PTBP3: variants seen among roughly 807,000 people sequenced by gnomAD.
PTBP3 encodes the protein polypyrimidine tract binding protein 3.
A neutral mutation model predicts 58.7 loss-of-function variants in PTBP3; 20 were observed. That is an observed-to-expected ratio of 0.34 (90% CI 0.24 to 0.50). The LOEUF is 0.50. Among genes scored for constraint, PTBP3 ranks in the 20% least tolerant of loss-of-function variants. PTBP3 has a pLI of 0.98. For missense variants in PTBP3, 509 were observed against 637.2 expected, an observed-to-expected ratio of 0.80 and a Z score of 2.17; for synonymous variants, 185 against 219.8, an observed-to-expected ratio of 0.84 and a Z score of 1.40.
rs1193868955 is a variant in PTBP3, at chr9:112,274,917, A to G, written c.204+927T>C. On this transcript the variant is annotated intron_variant, in intron 3 of 13. Transcript: ENST00000374257. Reference sequence around the variant, plus strand: ...CCCTACTGCTTTGACACTTACTAGAAAAGTAAAATGCAATAACCCAATGTT... The same window carrying G: ...CCCTACTGCTTTGACACTTACTAGAGAAGTAAAATGCAATAACCCAATGTT... 2.0e-5 allele frequency among the ~76,000 whole-genome samples: 3 copies of G among 152,200 alleles called. 1 individual carries two copies. The highest frequency in any genetic ancestry group is 1.3e-4 in the Admixed American group (2 of 15,272).
At chr9:112,355,546 C>T in the PTBP3 span, among the ~76,000 whole-genome samples, 3 of 151,566 alleles carry the variant, frequency 2.0e-5, no homozygotes, top group South Asian at 6.2e-4. Flanking sequence ...AAAGACCCGT[C>T]TTCTTTTGTT....
chr9:112,249,611 G>GT (rs1836023820), intron 7 of PTBP3, among the ~76,000 whole-genome samples: 1 of 152,022 alleles, frequency 6.6e-6, no homozygotes, highest in African/African-American at 2.4e-5. Context: ...TTATTTTGCA[G>GT]TGACTAAGGA....
intron 2 of PTBP3, among the ~76,000 whole-genome samples, chr9:112,284,348 A>T (rs887604665): frequency 6.6e-6 from 1 of 152,198 alleles, no homozygotes; most frequent in Non-Finnish European, 1.5e-5. Flanking sequence ...TCTTTGCAAA[A>T]GCATGCCCTA....
intron 1 of PTBP3, among the ~76,000 whole-genome samples, chr9:112,307,652 G>C (rs1287419798): frequency 1.3e-5 from 2 of 152,126 alleles, no homozygotes; most frequent in East Asian, 3.8e-4. Context: ...TTGAAAATTA[G>C]TCATAAAAAA....
the PTBP3 span, among the ~76,000 whole-genome samples, chr9:112,349,866 A>AAAAAAAG: frequency 7.5e-6 from 1 of 132,632 alleles, no homozygotes; most frequent in Non-Finnish European, 1.5e-5. Context: ...TCTGTCTCAA[A>AAAAAAAG]AAAAAAAAAA....
chr9:112,342,669 T>C, the PTBP3 span, among the ~76,000 whole-genome samples: 1 of 151,626 alleles, frequency 6.6e-6, no homozygotes, highest in African/African-American at 2.4e-5. Context: ...TGAGCCGAGA[T>C]TGCACCATTG....
At chr9:112,379,604 C>G in the PTBP3 span, among the ~76,000 whole-genome samples, 27 of 152,294 alleles carry the variant, frequency 1.8e-4, no homozygotes, top group Non-Finnish European at 3.8e-4. Context: ...CGACGCTGGC[C>G]GACTTCAGCC....
At chr9:112,300,349 C>T (rs906159785) in intron 1 of PTBP3, among the ~76,000 whole-genome samples, 1 of 152,184 alleles carries the variant, frequency 6.6e-6, no homozygotes, top group Admixed American at 6.5e-5. Context: ...CAACTAAATG[C>T]CATCAACTGC....
intron 1 of PTBP3, among the ~76,000 whole-genome samples, chr9:112,324,674 C>A (rs1354080786): frequency 6.7e-6 from 1 of 148,284 alleles, no homozygotes; most frequent in Non-Finnish European, 1.5e-5. Context: ...AAAAAAACAA[C>A]TTTAAAAGAA....
At chr9:112,247,498 G>A (rs1273988568) in intron 7 of PTBP3, among the ~76,000 whole-genome samples, 1 of 150,568 alleles carries the variant, frequency 6.6e-6, no homozygotes, top group Admixed American at 6.6e-5. Context: ...GAGCCCAGGA[G>A]TTTGAGACTA....
intron 1 of PTBP3, among the ~76,000 whole-genome samples, chr9:112,302,183 C>G (rs1828963300): frequency 6.6e-6 from 1 of 152,022 alleles, no homozygotes; most frequent in African/African-American, 2.4e-5. Context: ...CAGCAAATAG[C>G]TTTTTGTAAA....
intron 1 of PTBP3, among the ~76,000 whole-genome samples, chr9:112,322,464 C>T (rs1829995488): frequency 6.6e-6 from 1 of 152,110 alleles, no homozygotes; most frequent in African/African-American, 2.4e-5. Flanking sequence ...AACACCTTAC[C>T]ACATCTCAGG....
At chr9:112,346,034 G>A in the PTBP3 span, among the ~76,000 whole-genome samples, 1 of 150,500 alleles carries the variant, frequency 6.6e-6, no homozygotes, top group Non-Finnish European at 1.5e-5. Flanking sequence ...TTTTGAGACG[G>A]GGTTTCGCCA....
intron 11 of PTBP3, among the ~76,000 whole-genome samples, chr9:112,227,940 G>T (rs1835054514): frequency 6.6e-6 from 1 of 152,088 alleles, no homozygotes; most frequent in Non-Finnish European, 1.5e-5. Context: ...CTCAAGCAAG[G>T]CATTTTTATA....
chr9:112,331,082 AACACACACAC>A (rs10660591), intron 1 of PTBP3, among the ~76,000 whole-genome samples: 177 of 139,530 alleles, frequency 1.3e-3, no homozygotes, highest in East Asian at 1.7e-3. Flanking sequence ...GGAGGAAACG[AACACACACAC>A]ACACACACAC....
chr9:112,356,866 A>G, the PTBP3 span, among the ~76,000 whole-genome samples: 1 of 108,228 alleles, frequency 9.2e-6, no homozygotes, highest in Non-Finnish European at 1.8e-5. Flanking sequence ...GTGTATATTC[A>G]TTTCCCTCTT....
chr9:112,260,298 T>C (rs1836540661), intron 5 of PTBP3, among the ~76,000 whole-genome samples: 1 of 152,144 alleles, frequency 6.6e-6, no homozygotes, highest in African/African-American at 2.4e-5. Context: ...CAATAAAAAA[T>C]GAGAGAGAAC....
chr9:112,350,567 G>A, the PTBP3 span, among the ~76,000 whole-genome samples: 1 of 152,004 alleles, frequency 6.6e-6, no homozygotes, highest in Non-Finnish European at 1.5e-5. Flanking sequence ...ATCATTAATT[G>A]TTACAAAATT....
intron 2 of PTBP3, among the ~76,000 whole-genome samples, chr9:112,282,872 C>G (rs183853695): frequency 6.6e-6 from 1 of 152,050 alleles, no homozygotes; most frequent in Non-Finnish European, 1.5e-5. Flanking sequence ...CCTGATGTGT[C>G]GAGGGAGGGA....
Sources: gnomAD v4.1 joint callset for allele counts (sites outside exome capture counted in the v4.1 genomes callset) on GRCh38, gnomAD v4.1.1 for gene constraint, MANE v1.5 for transcripts, NCBI Gene and HGNC (gene_info 2026-07-23, HGNC 2026-07-21) for gene names.